The following RBL2 variants were observed in gnomAD, a reference collection of about 807,000 sequenced individuals.
RBL2 encodes the protein retinoblastoma-like protein 2.
Under a neutral mutation model 126.0 loss-of-function variants are expected in RBL2, and 56 were observed. That is an observed-to-expected ratio of 0.44 (90% CI 0.36 to 0.56). The LOEUF is 0.56. Ranked by LOEUF, RBL2 falls within the 20% of genes least tolerant of loss-of-function variation. The probability of loss-of-function intolerance (pLI) is 0.00; values close to 1 mark genes in which losing one functional copy is unlikely to be tolerated. For synonymous variants in RBL2, 454 were observed against 478.5 expected (o/e 0.95, Z 0.67); for missense variants, 1,229 against 1,398.2 (o/e 0.88, Z 1.93).
Position 53,434,644 on chromosome 16 carries a change from G to A in RBL2, c.88G>A (p.Glu30Lys), listed in dbSNP as rs1181487310. 2 of 1,564,294 alleles carry A rather than the reference G, an allele frequency of 1.3e-6. No individual in the cohort carries two copies. The highest frequency in any genetic ancestry group is 1.7e-6 in the Non-Finnish European group (2 of 1,164,900). ...ASDEEEEDDG[E>K]AEDAAPPAES... ...GGATGAGGAGGAGGAGGACGACGGC[G>A]AGGCGGAAGACGCCGCGCCGCCTGC... The change falls in exon 1 of 22, where the codon GAG becomes AAG. Residue 30 changes from glutamate (E) to lysine (K), a missense_variant. By Grantham distance (56) the Glu-to-Lys change is moderately conservative. Around this residue, in one of 2 missense-constraint regions of RBL2, gnomAD observed 159 missense variants for 123.9 expected, o/e 1.28. Transcript: ENST00000262133.
chr16:53,467,186 A>G lies in RBL2; in HGVS notation c.1975+17A>G. The G allele has an allele frequency of 6.3e-7, 1 of 1,575,766 alleles. No individual in the cohort carries two copies. Among genetic ancestry groups the G allele is most frequent in the Middle Eastern group, 1.7e-4 (1 of 5,970 alleles). On this transcript the variant is annotated intron_variant, in intron 14 of 21. Transcript: ENST00000262133. Reference sequence around the variant, plus strand: ...TTGGAAGGAGTAAGTTTAAAATACTAGGAGAATATTTTGGGGCTTACTATC... The same window carrying G: ...TTGGAAGGAGTAAGTTTAAAATACTGGGAGAATATTTTGGGGCTTACTATC...
At chr16:53,489,048 C>A (rs1961286914) in intron 21 of RBL2, 2 of 131,014 alleles carry the variant, frequency 1.5e-5, no homozygotes, top group South Asian at 2.4e-4. Flanking sequence ...AACCCCATTT[C>A]TATTGTTAAT....
In RBL2 at chr16:53,434,610, G is replaced by C. The variant is rs777831811; in HGVS notation, c.54G>C (p.Ala18=). The C allele has an allele frequency of 6.4e-7, 1 of 1,550,798 alleles. No homozygotes were observed. The highest frequency in any genetic ancestry group is 1.2e-5 in the South Asian group (1 of 85,300). Residue 18 remains alanine (A), a synonymous_variant, in exon 1 of 22, where the codon GCG becomes GCC. Transcript: ENST00000262133. Reference sequence around the variant, plus strand: ...CGCCCCCGCCTCCCCCTCCGGCGGCGGCAGCCTCGGATGAGGAGGAGGAGG... The same window carrying C: ...CGCCCCCGCCTCCCCCTCCGGCGGCCGCAGCCTCGGATGAGGAGGAGGAGG... ...SPPPPPPPPA[A]AASDEEEEDD... is the part of the protein sequence containing the mutation.
chr16:53,442,247 A>G lies in RBL2; in HGVS notation c.372-411A>G, dbSNP rs28512452. 8.5e-3 allele frequency among the ~76,000 whole-genome samples: 1,287 copies of G among 152,214 alleles called. 9 individuals are homozygous for G. The highest frequency in any genetic ancestry group is 0.044 in the Middle Eastern group (13 of 294). Reference sequence around the variant, plus strand: ...GGATCACTCAAGCCCAGGAGTCTGCAGTGAGCTGTGATCTTGCCACTGAAC... The same window carrying G: ...GGATCACTCAAGCCCAGGAGTCTGCGGTGAGCTGTGATCTTGCCACTGAAC... On this transcript the variant is annotated intron_variant, in intron 2 of 21. Transcript: ENST00000262133.
At chr16:53,453,827 A>C in intron 7 of RBL2, 58 bp downstream of exon 7, 2 of 1,396,460 alleles carry the variant, frequency 1.4e-6, no homozygotes. Flanking sequence ...AGGAAACTTC[A>C]GAAGTTAGTG....
Position 53,454,747 on chromosome 16 carries a change from A to G in RBL2, c.1084A>G (p.Ile362Val), listed in dbSNP as rs758397663. ...IFLGEDAEEE[I>V]GTLSRCLNAG... The stretch of plus-strand genomic sequence containing the variant: ...TCTTGGAGAGGATGCTGAGGAGGAA[A>G]TTGGGACTCTCTCAAGGTGTCTGAA... The change falls in exon 8 of 22, where the codon ATT (isoleucine) becomes GTT (valine). Residue 362 changes from isoleucine (I) to valine (V), a missense_variant. By Grantham distance (29) the Ile-to-Val change is conservative. Coordinates refer to ENST00000262133, the MANE Select transcript of RBL2 (RefSeq NM_005611.4). 5 of 1,614,074 alleles carry G rather than the reference A, an allele frequency of 3.1e-6. No individual in the cohort carries two copies. In the East Asian group the frequency reaches 1.1e-4, roughly 36 times the overall value.
At position 53,453,527 on chromosome 16, in the gene RBL2, C is replaced by G. The variant is rs756522758; in HGVS notation, c.842C>G (p.Ser281Cys). 1.2e-6 allele frequency: 2 copies of G among 1,612,916 alleles called. No individual in the cohort carries two copies. Among genetic ancestry groups the G allele is most frequent in the South Asian group, 1.1e-5 (1 of 91,034 alleles). Residue 281 changes from serine (S) to cysteine (C), a missense_variant, in exon 6 of 22, where the codon TCC becomes TGC. Physicochemically the swap from Ser to Cys is moderately radical, Grantham distance 112 (BLOSUM62 -1). This residue lies in a region of RBL2 where 1,070 missense variants were observed against 1,274.3 expected (regional missense o/e 0.84). Transcript: ENST00000262133. ...CCTTGTATCATTGAGAAACTGTGTT[C>G]CTTACATGATGGCCTAGTTTTGGAA... ...DPPCIIEKLC[S>C]LHDGLVLEAK...
At chr16:53,476,052 G>T (rs997652582) in intron 17 of RBL2, among the ~76,000 whole-genome samples, 1 of 151,486 alleles carries the variant, frequency 6.6e-6, no homozygotes, top group Non-Finnish European at 1.5e-5. Context: ...TCGAACTCCT[G>T]AGCTCAAGCA....
rs1213898728 is a variant in RBL2, at chr16:53,457,277, T to TTTTTTTTTTTTTTTTTTTTTTTTTTG, written c.1180-2174_1180-2173insTTTTTTTTTTTTTTTTTTTTTTTTTG. ...AGATAGCTTTTTTTTTTTTTTTTTT[T>TTTTTTTTTTTTTTTTTTTTTTTTTTG]GAGATGGAGTCTCGCTCTGTCACCC... is the stretch of plus-strand genomic sequence containing the variant. On this transcript the variant is annotated intron_variant, in intron 8 of 21. Transcript: ENST00000262133. 1.2e-4 allele frequency among the ~76,000 whole-genome samples: 17 copies of TTTTTTTTTTTTTTTTTTTTTTTTTTG among 139,966 alleles called. 1 individual carries two copies. The highest frequency in any genetic ancestry group is 2.9e-4 in the Admixed American group (4 of 13,708). The allele number at this position is 139,966 out of a possible 152,430, so 91.8% of individuals were successfully genotyped here.
At chr16:53,441,608 A>G (rs549661228) in intron 2 of RBL2, among the ~76,000 whole-genome samples, 1 of 152,328 alleles carries the variant, frequency 6.6e-6, no homozygotes, top group East Asian at 1.9e-4. Flanking sequence ...AGCAAGTTGC[A>G]GAATACCACT....
chr16:53,437,602 C>A (rs1388175861), intron 1 of RBL2, among the ~76,000 whole-genome samples: 2 of 152,142 alleles, frequency 1.3e-5, no homozygotes, highest in Admixed American at 1.3e-4. Context: ...ACAATAGTCT[C>A]ATTTGGTTAT....
At chr16:53,485,128 C>G (rs1961114337) in intron 21 of RBL2, among the ~76,000 whole-genome samples, 1 of 152,030 alleles carries the variant, frequency 6.6e-6, no homozygotes, top group Admixed American at 6.6e-5. Context: ...CACTCTCTAA[C>G]AAATCAAGTG....
rs563761591 is a variant in RBL2 at position 53,444,710 on chromosome 16, T to C, written c.572+1852T>C. Among the ~76,000 whole-genome samples the C allele has an allele frequency of 1.3e-4, 20 of 152,090 alleles. No homozygotes were observed. In the South Asian group the frequency reaches 4.2e-3, roughly 32 times the overall value. On this transcript the variant is annotated intron_variant, in intron 3 of 21. Transcript: ENST00000262133. Reference sequence around the variant, plus strand: ...TAAAAATACAAAAATTAGGCAGGTATGGTGGTGTGTGCCTGTTGTCCCAGC... The same window carrying C: ...TAAAAATACAAAAATTAGGCAGGTACGGTGGTGTGTGCCTGTTGTCCCAGC...
chr16:53,480,847 A>C, intron 20 of RBL2, 78 bp downstream of exon 20: 1 of 1,406,636 alleles, frequency 7.1e-7, no homozygotes, highest in East Asian at 2.4e-5. Flanking sequence ...TATATGGACC[A>C]TTCACCTGGT....
Position 53,442,745 on chromosome 16 carries a change from A to C in RBL2, c.459A>C (p.Glu153Asp). ...TCAGAGAACGTACTGAGAGATTAGA[A>C]AGAAACTTCACTGTTTCTGCTGTAA... ...PHFRERTERL[E>D]RNFTVSAVIF... Residue 153 changes from glutamate to aspartate, a missense_variant, in exon 3 of 22, where the codon GAA becomes GAC. Physicochemically the swap from Glu to Asp is conservative, Grantham distance 45. This residue lies in a region of RBL2 where 1,070 missense variants were observed against 1,274.3 expected (regional missense o/e 0.84). Coordinates refer to ENST00000262133, the MANE Select transcript of RBL2 (RefSeq NM_005611.4). 1 of 1,613,146 alleles carries C rather than the reference A, an allele frequency of 6.2e-7. No homozygotes were observed.
At chr16:53,467,299 G>GT in intron 14 of RBL2, 130 bp downstream of exon 14, 1 of 700,338 alleles carries the variant, frequency 1.4e-6, no homozygotes, top group Non-Finnish European at 2.4e-6. Context: ...GTACCACATG[G>GT]ATCACTTAAA....
Position 53,461,819 on chromosome 16 carries a change from G to C in RBL2, c.1425G>C (p.Gln475His). The change falls in exon 10 of 22, where the codon CAG becomes CAC. Residue 475 changes from glutamine (Q) to histidine (H), a missense_variant. Physicochemically the swap from Gln to His is conservative, Grantham distance 24 (BLOSUM62 0). This residue lies in a region of RBL2 where 1,070 missense variants were observed against 1,274.3 expected (regional missense o/e 0.84). Transcript: ENST00000262133. Reference protein sequence around the residue: ...EMFEIYSQHFQPDEDFSNCAK... With the variant: ...EMFEIYSQHFHPDEDFSNCAK... ...TTGAAATATATTCTCAGCATTTCCA[G>C]CCAGACGAGGATTTCAGTAATTGTG... is the stretch of plus-strand genomic sequence containing the variant. 1 of 1,612,370 alleles carries C rather than the reference G, an allele frequency of 6.2e-7. No homozygotes were observed. Among genetic ancestry groups the C allele is most frequent in the Non-Finnish European group, 8.5e-7 (1 of 1,179,070 alleles).
At chr16:53,489,253 A>T (rs1961299455) in intron 21 of RBL2, 1 of 152,218 alleles carries the variant, frequency 6.6e-6, no homozygotes, top group Non-Finnish European at 1.5e-5. Flanking sequence ...AAATCAAACA[A>T]GGCTGGCCAA....
Position 53,460,833 on chromosome 16 carries a change from T to TTA in RBL2, c.1347-898_1347-897dup, listed in dbSNP as rs913031230. ...ATTTTCACAAAGAATATGTATATAA[T>TTA]TATATATATATTTGTGATCAAGATA... On this transcript the variant is annotated intron_variant, in intron 9 of 21. Transcript: ENST00000262133. Among the ~76,000 whole-genome samples, 3 of 152,182 alleles carry TTA rather than the reference T, an allele frequency of 2.0e-5. No individual in the cohort carries two copies. The South Asian group carries it at 6.2e-4, about 32-fold the overall frequency.
Sources: allele counts gnomAD v4.1 joint callset (sites outside exome capture counted in the v4.1 genomes callset), GRCh38; gene constraint gnomAD v4.1.1; regional missense constraint gnomAD v4.1.1; transcripts MANE v1.5; gene names NCBI Gene and HGNC (gene_info 2026-07-23, HGNC 2026-07-21).